SLIT3: variants seen among roughly 807,000 people sequenced by gnomAD.
SLIT3 encodes the protein slit homolog 3 protein.
Under a neutral mutation model 184.0 loss-of-function variants are expected in SLIT3, and 68 were observed. The ratio of observed to expected loss-of-function variants is 0.37; its 90% CI spans 0.30 to 0.45. The LOEUF is 0.45. SLIT3 is among the 20% of genes least tolerant of loss of function. The pLI is 1.00. For synonymous variants in SLIT3, 831 were observed against 828.6 expected (o/e 1.00, Z -0.05); for missense variants, 1,707 against 2,026.0 (o/e 0.84, Z 3.02).
chr5:169,206,723 T>C (rs1764078390), intron 3 of SLIT3, among the ~76,000 whole-genome samples: 1 of 152,344 alleles, frequency 6.6e-6, no homozygotes, highest in East Asian at 1.9e-4. Flanking sequence ...TGTGTGTTTA[T>C]CTAGGCATTT....
At chr5:168,690,728 G>A (rs899130275) in intron 29 of SLIT3, among the ~76,000 whole-genome samples, 1 of 152,172 alleles carries the variant, frequency 6.6e-6, no homozygotes, top group Admixed American at 6.5e-5. Flanking sequence ...ATCTGAGGGG[G>A]CATGGGGCAG....
intron 4 of SLIT3, among the ~76,000 whole-genome samples, chr5:169,085,723 C>T (rs72832185): frequency 0.033 from 5,061 of 152,302 alleles, 98 homozygotes; most frequent in Non-Finnish European, 0.049. Flanking sequence ...CAGCCAGAGA[C>T]ATGCAATGCC....
intron 7 of SLIT3, among the ~76,000 whole-genome samples, chr5:168,819,843 T>C (rs990099056): frequency 2.6e-5 from 4 of 152,170 alleles, no homozygotes; most frequent in African/African-American, 9.7e-5. Flanking sequence ...TCCGTCTTAA[T>C]AGAAATTTTT....
At chr5:169,042,983 T>C (rs1453574115) in intron 4 of SLIT3, among the ~76,000 whole-genome samples, 1 of 152,212 alleles carries the variant, frequency 6.6e-6, no homozygotes, top group Non-Finnish European at 1.5e-5. Flanking sequence ...GGCAACATTT[T>C]TGAAATACAT....
chr5:168,834,094 TTC>T (rs889884519), intron 6 of SLIT3, among the ~76,000 whole-genome samples: 9 of 152,166 alleles, frequency 5.9e-5, no homozygotes, highest in African/African-American at 1.9e-4. Context: ...CTCTTTTTCT[TTC>T]TCTGTTTATG....
intron 4 of SLIT3, among the ~76,000 whole-genome samples, chr5:168,932,859 C>T (rs116191417): frequency 0.02 from 2,978 of 152,300 alleles, 109 homozygotes; most frequent in African/African-American, 0.068. Context: ...AGCTGAACAT[C>T]GCACAACATG....
chr5:168,769,044 G>T (rs1755451630), intron 14 of SLIT3, among the ~76,000 whole-genome samples: 1 of 152,164 alleles, frequency 6.6e-6, no homozygotes, highest in African/African-American at 2.4e-5. Flanking sequence ...CCTGATGAAG[G>T]GCCTCTTTGA....
intron 1 of SLIT3, among the ~76,000 whole-genome samples, chr5:169,285,812 G>A (rs1363141593): frequency 6.6e-6 from 1 of 152,174 alleles, no homozygotes; most frequent in Non-Finnish European, 1.5e-5. Context: ...ACATGTGAGT[G>A]AACAGCCTGC....
chr5:169,160,741 T>C (rs1762450460), intron 4 of SLIT3, among the ~76,000 whole-genome samples: 1 of 152,102 alleles, frequency 6.6e-6, no homozygotes, highest in East Asian at 1.9e-4. Context: ...TCAAAGCTGA[T>C]TTTTTTCCAC....
intron 4 of SLIT3, among the ~76,000 whole-genome samples, chr5:169,150,315 T>A (rs1762072676): frequency 6.6e-6 from 1 of 152,136 alleles, no homozygotes. Flanking sequence ...CTTGCCATGA[T>A]CTGGTCTAGG....
At chr5:168,977,036 G>A (rs150063323) in intron 4 of SLIT3, among the ~76,000 whole-genome samples, 3 of 152,098 alleles carry the variant, frequency 2.0e-5, no homozygotes, top group Non-Finnish European at 2.9e-5. Flanking sequence ...GGAGGGGTTG[G>A]GGGAGGTCCT....
intron 5 of SLIT3, among the ~76,000 whole-genome samples, chr5:168,867,923 C>G (rs1431092014): frequency 6.6e-6 from 1 of 152,218 alleles, no homozygotes; most frequent in Non-Finnish European, 1.5e-5. Context: ...GAGGCATGAT[C>G]TATATCAGAG....
At chr5:169,002,185 T>C (rs1755726040) in intron 4 of SLIT3, among the ~76,000 whole-genome samples, 1 of 149,482 alleles carries the variant, frequency 6.7e-6, no homozygotes, top group East Asian at 1.9e-4. Flanking sequence ...TAATCAGGCA[T>C]GGTGGTGTGT....
intron 4 of SLIT3, among the ~76,000 whole-genome samples, chr5:168,985,369 A>T (rs1755087592): frequency 6.6e-6 from 1 of 152,198 alleles, no homozygotes; most frequent in Non-Finnish European, 1.5e-5. Context: ...ATTGGGCTTC[A>T]GCAATCTCTG....
intron 5 of SLIT3, among the ~76,000 whole-genome samples, chr5:168,866,249 A>T (rs1322780387): frequency 2.0e-5 from 3 of 152,214 alleles, no homozygotes; most frequent in Non-Finnish European, 4.4e-5. Flanking sequence ...AGAAACTCAA[A>T]AAGGCTCCAA....
chr5:168,874,410 C>T lies in SLIT3; in HGVS notation c.485+8855G>A, dbSNP rs113674686. 2.8e-3 allele frequency among the ~76,000 whole-genome samples: 431 copies of T among 152,238 alleles called. 3 individuals carry two copies. The highest frequency in any genetic ancestry group is 9.8e-3 in the African/African-American group (405 of 41,534). On this transcript the variant is annotated intron_variant, in intron 5 of 35. Transcript: ENST00000519560. ...TTGTTCTGCAAGTCATTTATTCCTTCGCTTATTGTTTATTGAGCATTACAT... is the reference window on the plus strand; with the variant it reads ...TTGTTCTGCAAGTCATTTATTCCTTTGCTTATTGTTTATTGAGCATTACAT...
chr5:169,193,782 G>A (rs1395264194), intron 3 of SLIT3, among the ~76,000 whole-genome samples: 2 of 152,152 alleles, frequency 1.3e-5, no homozygotes, highest in African/African-American at 2.4e-5. Flanking sequence ...CAGCACATGC[G>A]CTGTGCTGCC....
chr5:169,300,456 G>A lies in SLIT3; in HGVS notation c.197+57C>T. 1 of 1,393,178 alleles carries A rather than the reference G, an allele frequency of 7.2e-7. No individual in the cohort carries two copies. Among genetic ancestry groups the A allele is most frequent in the Non-Finnish European group, 9.3e-7 (1 of 1,075,752 alleles). 86.3% of individuals were successfully genotyped at this position (1,393,178 alleles called of 1,614,324 possible). ...GGAAAGGACGGATCTGGCGCCTGGG[G>A]CCCCCTCGGTGGGACCCAGGTGGGT... On this transcript the variant is annotated intron_variant, in intron 1 of 35. Transcript: ENST00000519560. The surrounding 1 kb of genome is among the most constrained non-coding windows in gnomAD (Gnocchi z 4.1).
At chr5:168,961,529 T>C (rs1471263802) in intron 4 of SLIT3, among the ~76,000 whole-genome samples, 1 of 152,166 alleles carries the variant, frequency 6.6e-6, no homozygotes, top group African/African-American at 2.4e-5. Context: ...AATAAGTACG[T>C]TGAAGACAAA....
Sources: gnomAD v4.1 joint callset for allele counts (sites outside exome capture counted in the v4.1 genomes callset) on GRCh38, gnomAD v4.1.1 for gene constraint, Gnocchi (gnomAD v3.1) non-coding constraint, MANE v1.5 for transcripts, NCBI Gene and HGNC (gene_info 2026-07-23, HGNC 2026-07-21) for gene names.